Variants in SLC17A1 observed in about 807,000 individuals in gnomAD.
The protein encoded by SLC17A1 is solute carrier family 17 member 1.
In SLC17A1, 51 loss-of-function variants were observed where a neutral mutation model predicts 53.5. The observed-to-expected ratio is 0.95, with a 90% CI of 0.76 to 1.20. The LOEUF is 1.20. Ranked by LOEUF, SLC17A1 falls within the 50% of genes most tolerant of loss-of-function variation. SLC17A1 has a pLI of 0.00. For missense variants in SLC17A1, 538 were observed against 568.2 expected (o/e 0.95, Z 0.54); for synonymous variants, 179 against 198.8 (o/e 0.90, Z 0.84).
At chr6:25,767,635 A>G in the SLC17A1 span, among the ~76,000 whole-genome samples, 2 of 152,318 alleles carry the variant, frequency 1.3e-5, no homozygotes, top group African/African-American at 4.8e-5. Context: ...AATATAATTA[A>G]AGGACATGTC....
chr6:25,821,975 C>T (rs946851064), intron 3 of SLC17A1, among the ~76,000 whole-genome samples: 1 of 151,918 alleles, frequency 6.6e-6, no homozygotes, highest in Non-Finnish European at 1.5e-5. Flanking sequence ...AAACATAGGT[C>T]ACAGAAATAT....
At chr6:25,816,304 C>G (rs1259025712) in intron 6 of SLC17A1, among the ~76,000 whole-genome samples, 1 of 152,222 alleles carries the variant, frequency 6.6e-6, no homozygotes, top group Non-Finnish European at 1.5e-5. Context: ...CCATTGTGCA[C>G]CATTCATATC....
intron 10 of SLC17A1, among the ~76,000 whole-genome samples, chr6:25,802,177 A>G (rs1763798843): frequency 6.6e-6 from 1 of 152,176 alleles, no homozygotes; most frequent in Admixed American, 6.5e-5. Context: ...AAATACATTA[A>G]CATTATACAT....
At chr6:25,726,221 T>C in the SLC17A1 span, 7 of 1,612,444 alleles carry the variant, frequency 4.3e-6, no homozygotes, top group Non-Finnish European at 5.9e-6. Flanking sequence ...CCCTGGGCAA[T>C]GGTCACGCCG....
chr6:25,730,303 A>C, the SLC17A1 span, among the ~76,000 whole-genome samples: 1 of 152,264 alleles, frequency 6.6e-6, no homozygotes, highest in African/African-American at 2.4e-5. Context: ...TGTGGCATAC[A>C]TACATAATAG....
chr6:25,821,471 C>T (rs1764559343), intron 3 of SLC17A1, among the ~76,000 whole-genome samples: 1 of 152,182 alleles, frequency 6.6e-6, no homozygotes, highest in Non-Finnish European at 1.5e-5. Flanking sequence ...GCAGAATGCT[C>T]AGCCAGGTTT....
intron 12 of SLC17A1, among the ~76,000 whole-genome samples, chr6:25,788,971 ATAGGTAGGTAGG>A (rs70977229): frequency 6.6e-6 from 1 of 151,806 alleles, no homozygotes; most frequent in East Asian, 1.9e-4. Flanking sequence ...GAATAGAAAG[ATAGGTAGGTAGG>A]TAGGTAGGTA....
intron 12 of SLC17A1, among the ~76,000 whole-genome samples, chr6:25,797,869 A>G (rs756707107): frequency 2.6e-5 from 4 of 152,050 alleles, no homozygotes; most frequent in Admixed American, 6.6e-5. Context: ...ATTTTTCTTT[A>G]TAAGTAATTT....
chr6:25,753,461 A>G, the SLC17A1 span, among the ~76,000 whole-genome samples: 3 of 152,136 alleles, frequency 2.0e-5, no homozygotes, highest in Non-Finnish European at 4.4e-5. Flanking sequence ...TCTGCCTGCT[A>G]TGTGGGGTGG....
At chr6:25,728,876 T>C in the SLC17A1 span, among the ~76,000 whole-genome samples, 6 of 152,212 alleles carry the variant, frequency 3.9e-5, no homozygotes, top group Non-Finnish European at 7.3e-5. Context: ...GCCCCCACAC[T>C]TTTGTGAACA....
the SLC17A1 span, among the ~76,000 whole-genome samples, chr6:25,760,101 C>A: frequency 2.6e-5 from 4 of 152,148 alleles, no homozygotes; most frequent in Non-Finnish European, 4.4e-5. Flanking sequence ...TTTGCCTAAG[C>A]TTGGTGATCA....
the SLC17A1 span, among the ~76,000 whole-genome samples, chr6:25,775,542 C>A: frequency 1.3e-5 from 2 of 151,952 alleles, no homozygotes; most frequent in African/African-American, 2.4e-5. Context: ...CTCAAGCAAT[C>A]CTCCTACCTC....
downstream of SLC17A1, chr6:25,780,101 A>C (rs1763226525): frequency 6.6e-6 from 1 of 152,072 alleles, no homozygotes; most frequent in South Asian, 2.1e-4. Context: ...CCCTAACCTC[A>C]CTCCAAATGT....
At chr6:25,775,341 ATAG>A in the SLC17A1 span, among the ~76,000 whole-genome samples, 1 of 149,436 alleles carries the variant, frequency 6.7e-6, no homozygotes, top group South Asian at 2.1e-4. Context: ...TAAAAAAAAA[ATAG>A]AAAGACTGAA....
At chr6:25,732,879 G>A in the SLC17A1 span, 3 of 216,256 alleles carry the variant, frequency 1.4e-5, no homozygotes, top group East Asian at 1.4e-4. Context: ...ATGTCTAGAA[G>A]AAACAAAAAC....
intron 1 of SLC17A1, 92 bp from the exon 2 acceptor site, chr6:25,830,699 C>G (rs1193652461): frequency 1.4e-6 from 1 of 727,190 alleles, no homozygotes; most frequent in African/African-American, 1.7e-5. Context: ...AAAACCGCTT[C>G]CAAGGATAAC....
intron 6 of SLC17A1, among the ~76,000 whole-genome samples, chr6:25,814,997 A>T (rs754479428): frequency 0.17 from 10,003 of 60,016 alleles, 401 homozygotes; most frequent in African/African-American, 0.22. Flanking sequence ...ACAAACACAC[A>T]CACACACACA....
At chr6:25,787,942 G>T (rs944806628) in intron 12 of SLC17A1, among the ~76,000 whole-genome samples, 1 of 152,170 alleles carries the variant, frequency 6.6e-6, no homozygotes, top group Non-Finnish European at 1.5e-5. Context: ...CAGTCTTCTT[G>T]CTTGGTCACC....
At chr6:25,770,403 A>G in the SLC17A1 span, 41 of 1,614,008 alleles carry the variant, frequency 2.5e-5, no homozygotes, top group Non-Finnish European at 3.5e-5. Context: ...TTAACTGGTC[A>G]GTATTCAATT....
Sources: gnomAD v4.1 joint callset for allele counts (sites outside exome capture counted in the v4.1 genomes callset) on GRCh38, gnomAD v4.1.1 for gene constraint, MANE v1.5 for transcripts, NCBI Gene and HGNC (gene_info 2026-07-23, HGNC 2026-07-21) for gene names.